Variants in SERTAD4 observed in about 807,000 individuals in gnomAD.
The protein encoded by SERTAD4 is SERTA domain-containing protein 4.
In SERTAD4, 18 loss-of-function variants were observed where a neutral mutation model predicts 32.9. That is an observed-to-expected ratio of 0.55 (90% CI 0.38 to 0.81). The LOEUF (loss-of-function observed/expected upper bound fraction) is 0.81, where lower values mean the gene tolerates loss of function less well. Ranked by LOEUF, SERTAD4 falls within the 30% of genes least tolerant of loss-of-function variation. The probability of loss-of-function intolerance (pLI) is 0.00; values close to 1 mark genes in which losing one functional copy is unlikely to be tolerated. For missense variants in SERTAD4, 383 were observed against 426.0 expected (o/e 0.90, Z 0.89); for synonymous variants, 150 against 156.4 (o/e 0.96, Z 0.30).
At position 210,246,128 on chromosome 1, in the gene SERTAD4, AATG is replaced by A. The variant is rs2084046825; in HGVS notation, c.*3794_*3796del. ...TGCAGAACTGTCCCATGAAGAGAAGAATGATATCAGTATTTAAATAATAAAAGA... is the reference window on the plus strand; with the variant it reads ...TGCAGAACTGTCCCATGAAGAGAAGAATATCAGTATTTAAATAATAAAAGA... On this transcript the variant is annotated 3_prime_UTR_variant, in exon 4 of 4. Coordinates refer to ENST00000367012, the MANE Select transcript of SERTAD4 (RefSeq NM_019605.5). The A allele has an allele frequency of 3.2e-5, 5 of 155,184 alleles. No individual in the cohort carries two copies. The Admixed American group carries it at 3.3e-4, about 10-fold the overall frequency. 9.6% of individuals were successfully genotyped at this position (155,184 alleles called of 1,614,324 possible). A position where few individuals can be genotyped will look rare whatever the true frequency, so the allele number is the denominator to read the frequency against.
intron 1 of SERTAD4, chr1:210,233,635 C>T (rs1249800959): frequency 6.4e-6 from 3 of 468,662 alleles, no homozygotes; most frequent in East Asian, 7.0e-5. Context: ...CTCAGCTCAC[C>T]TCCTCGGCGG....
intron 1 of SERTAD4, chr1:210,233,991 T>C: frequency 5.4e-6 from 2 of 368,282 alleles, no homozygotes; most frequent in Non-Finnish European, 1.1e-5. Flanking sequence ...TTGGTTTTTT[T>C]TTTAAAAAAA....
At position 210,239,502 on chromosome 1, in the gene SERTAD4, A is replaced by G. The variant is rs372599899; in HGVS notation, c.185A>G (p.Tyr62Cys). The G allele has an allele frequency of 1.3e-5, 21 of 1,583,066 alleles. No individual in the cohort carries two copies. The highest frequency in any genetic ancestry group is 1.7e-5 in the Admixed American group (1 of 59,202). Residue 62 changes from tyrosine to cysteine, a missense_variant, in exon 3 of 4, where the codon TAC (tyrosine) becomes TGC (cysteine). By Grantham distance (194) the Tyr-to-Cys change is radical. Around this residue, in one of 3 missense-constraint regions of SERTAD4, gnomAD observed 96 missense variants for 76.6 expected, o/e 1.25. Coordinates refer to ENST00000367012, the MANE Select transcript of SERTAD4 (RefSeq NM_019605.5). ...GAGPPLAGSH[Y>C]RGISNPITTS... Reference sequence around the variant, plus strand: ...TGATTTATTACCACAGGATCACATTACAGGGGAATTTCAAATCCTATAACA... The same window carrying G: ...TGATTTATTACCACAGGATCACATTGCAGGGGAATTTCAAATCCTATAACA...
intron 3 of SERTAD4, among the ~76,000 whole-genome samples, chr1:210,240,234 TC>T (rs1454597744): frequency 2.0e-5 from 3 of 152,100 alleles, no homozygotes; most frequent in African/African-American, 7.2e-5. Context: ...AATCTGGGCA[TC>T]TAAGCTTTTG....
intron 1 of SERTAD4, chr1:210,233,598 G>T (rs1383548411): frequency 8.8e-6 from 4 of 453,134 alleles, no homozygotes; most frequent in Admixed American, 2.5e-5. Context: ...GCAGAGCTGC[G>T]CTGCGGGCGG....
chr1:210,237,846 T>G (rs1484454489), intron 1 of SERTAD4, 98 bp from the exon 2 acceptor site: 1 of 914,982 alleles, frequency 1.1e-6, no homozygotes, highest in Admixed American at 2.7e-5. Context: ...AGTAAAAGTT[T>G]CCCAAAGCAA....
chr1:210,235,183 A>C (rs1183956373), intron 1 of SERTAD4, among the ~76,000 whole-genome samples: 1 of 152,240 alleles, frequency 6.6e-6, no homozygotes, highest in Non-Finnish European at 1.5e-5. Flanking sequence ...ATATTAATAG[A>C]ACACGAATTT....
chr1:210,233,921 C>G, intron 1 of SERTAD4: 2 of 433,632 alleles, frequency 4.6e-6, no homozygotes, highest in South Asian at 3.4e-5. Flanking sequence ...GCCCTGCCAG[C>G]CGCTGTGAGT....
chr1:210,236,364 C>T (rs1408248138), intron 1 of SERTAD4, among the ~76,000 whole-genome samples: 1 of 152,162 alleles, frequency 6.6e-6, no homozygotes, highest in Non-Finnish European at 1.5e-5. Context: ...TAATTCTCTC[C>T]ACTGACCTGT....
Position 210,241,953 on chromosome 1 carries a change from C to T in SERTAD4, c.687C>T (p.Ser229=). 6.2e-7 allele frequency: 1 copy of T among 1,614,164 alleles called. No individual in the cohort carries two copies. Among genetic ancestry groups the T allele is most frequent in the Non-Finnish European group, 8.5e-7 (1 of 1,180,018 alleles). ...CCGCCTCTTCTTCCTCCTCATCTTC[C>T]TCTTCCTCTCCCCCTTTGCCTTTAC... ...SPSASSSSSS[S]SSSPPLPLPS... is the part of the protein sequence containing the mutation. Residue 229 remains serine, a synonymous_variant, in exon 4 of 4, where the codon TCC becomes TCT. Coordinates refer to ENST00000367012, the MANE Select transcript of SERTAD4 (RefSeq NM_019605.5).
At chr1:210,233,875 G>C (rs2083912145) in intron 1 of SERTAD4, 1 of 463,376 alleles carries the variant, frequency 2.2e-6, no homozygotes, top group Non-Finnish European at 4.5e-6. Flanking sequence ...ATCTGCTGCG[G>C]GCTGGAGCGC....
intron 1 of SERTAD4, among the ~76,000 whole-genome samples, chr1:210,237,088 G>A (rs2083947876): frequency 6.6e-6 from 1 of 152,210 alleles, no homozygotes; most frequent in Non-Finnish European, 1.5e-5. Flanking sequence ...TTGCCTCTTG[G>A]AAAGTTCCTG....
chr1:210,237,050 G>A lies in SERTAD4; in HGVS notation c.-17-894G>A, dbSNP rs139823334. Among the ~76,000 whole-genome samples, 120 of 152,308 alleles carry A rather than the reference G, an allele frequency of 7.9e-4. No individual in the cohort carries two copies. In the Middle Eastern group the frequency reaches 0.01, roughly 13 times the overall value. ...CCCTGCAGGCCCAAGGGAGAAGGGC[G>A]TGAACTGGAGAGAAGGGCAGTGATG... On this transcript the variant is annotated intron_variant, in intron 1 of 3. Transcript: ENST00000367012.
Position 210,242,994 on chromosome 1 carries a change from T to TA in SERTAD4, c.*658dup. 1.0e-6 allele frequency: 1 copy of TA among 983,434 alleles called. No individual in the cohort carries two copies. Among genetic ancestry groups the TA allele is most frequent in the Non-Finnish European group, 1.2e-6 (1 of 829,744 alleles). The allele number at this position is 983,434 out of a possible 1,614,324, so 60.9% of individuals were successfully genotyped here. A position where few individuals can be genotyped will look rare whatever the true frequency, so the allele number is the denominator to read the frequency against. ...GGTGATGAGGCTTTTAGAGAGGTGTTATACAGGGCGATTTTTGGTGCCTTA... is the reference window on the plus strand; with the variant it reads ...GGTGATGAGGCTTTTAGAGAGGTGTTAATACAGGGCGATTTTTGGTGCCTTA... On this transcript the variant is annotated 3_prime_UTR_variant, in exon 4 of 4. Coordinates refer to ENST00000367012, the MANE Select transcript of SERTAD4 (RefSeq NM_019605.5). This position sits in a 1 kb window ranked among gnomAD's most constrained non-coding sequence, Gnocchi z 4.0.
chr1:210,246,048 A>C lies in SERTAD4; in HGVS notation c.*3711A>C. On this transcript the variant is annotated 3_prime_UTR_variant, in exon 4 of 4. Transcript: ENST00000367012. Reference sequence around the variant, plus strand: ...ATCACATCCCTGCCAATTTTACTAGATTTTTTCAGAGACAAGCATTCAGCA... The same window carrying C: ...ATCACATCCCTGCCAATTTTACTAGCTTTTTTCAGAGACAAGCATTCAGCA... The C allele has an allele frequency of 2.1e-6, 1 of 474,022 alleles. No homozygotes were observed. The highest frequency in any genetic ancestry group is 2.8e-6 in the Non-Finnish European group (1 of 362,734). 29.4% of individuals were successfully genotyped at this position (474,022 alleles called of 1,614,324 possible).
At chr1:210,240,019 T>C (rs2083979467) in intron 3 of SERTAD4, among the ~76,000 whole-genome samples, 1 of 152,174 alleles carries the variant, frequency 6.6e-6, no homozygotes, top group Non-Finnish European at 1.5e-5. Flanking sequence ...TGGGGGTGGT[T>C]ACACAGGGCT....
intron 3 of SERTAD4, among the ~76,000 whole-genome samples, chr1:210,240,529 G>A (rs1423813342): frequency 6.6e-6 from 1 of 152,194 alleles, no homozygotes; most frequent in Non-Finnish European, 1.5e-5. Context: ...TTAGTTCACA[G>A]CTCCTCAGGT....
At chr1:210,238,766 G>A (rs1300353254) in intron 2 of SERTAD4, among the ~76,000 whole-genome samples, 2 of 152,142 alleles carry the variant, frequency 1.3e-5, no homozygotes, top group South Asian at 2.1e-4. Context: ...GAAAATAGAA[G>A]TATGTTCTTC....
chr1:210,240,188 A>C (rs2083980967), intron 3 of SERTAD4, among the ~76,000 whole-genome samples: 1 of 151,688 alleles, frequency 6.6e-6, no homozygotes, highest in African/African-American at 2.4e-5. Flanking sequence ...TATAGTTAAA[A>C]AAAAAAACAA....
Sources: allele counts gnomAD v4.1 joint callset (sites outside exome capture counted in the v4.1 genomes callset), GRCh38; gene constraint gnomAD v4.1.1; regional missense constraint gnomAD v4.1.1; non-coding constraint Gnocchi (gnomAD v3.1); transcripts MANE v1.5; gene names NCBI Gene and HGNC (gene_info 2026-07-23, HGNC 2026-07-21).